Variants in ABHD15 observed in about 807,000 individuals in gnomAD.
ABHD15 encodes the protein abhydrolase domain containing 15.
Under a neutral mutation model 34.4 loss-of-function variants are expected in ABHD15, and 34 were observed. That is an observed-to-expected ratio of 0.99 (90% CI 0.75 to 1.32). The LOEUF is 1.32. Among genes scored for constraint, ABHD15 ranks in the 40% most tolerant of loss-of-function variants. The probability of loss-of-function intolerance (pLI) is 0.00; values close to 1 mark genes in which losing one functional copy is unlikely to be tolerated. For synonymous variants in ABHD15, 314 were observed against 299.2 expected, an observed-to-expected ratio of 1.05 and a Z score of -0.51; for missense variants, 644 against 650.4, an observed-to-expected ratio of 0.99 and a Z score of 0.11.
At chr17:29,563,598 A>C (rs907292934) in intron 1 of ABHD15, among the ~76,000 whole-genome samples, 1 of 152,100 alleles carries the variant, frequency 6.6e-6, no homozygotes, top group Non-Finnish European at 1.5e-5. Flanking sequence ...GCGGTGGCTC[A>C]TGCCTGTAAT....
rs1828600751 is a variant in ABHD15, at chr17:29,561,692, G to A, written c.*869C>T. The A allele has an allele frequency of 6.6e-6, 1 of 152,580 alleles. No individual in the cohort carries two copies. The highest frequency in any genetic ancestry group is 6.5e-5 in the Admixed American group (1 of 15,276). The allele number at this position is 152,580 out of a possible 1,614,324, so 9.5% of individuals were successfully genotyped here. A position where few individuals can be genotyped will look rare whatever the true frequency, so the allele number is the denominator to read the frequency against. On this transcript the variant is annotated 3_prime_UTR_variant, in exon 2 of 2. Coordinates refer to ENST00000307201, the MANE Select transcript of ABHD15 (RefSeq NM_198147.3). ...AGGTTTGTGCTTTTCCTGACTTAGAGAAAGTCCATATCTCAGGAGATAAAC... is the reference window on the plus strand; with the variant it reads ...AGGTTTGTGCTTTTCCTGACTTAGAAAAAGTCCATATCTCAGGAGATAAAC...
At position 29,566,078 on chromosome 17, in the gene ABHD15, T is replaced by C; in HGVS notation, c.881+8A>G. The C allele has an allele frequency of 6.6e-7, 1 of 1,524,006 alleles. No individual in the cohort carries two copies. Among genetic ancestry groups the C allele is most frequent in the Non-Finnish European group, 8.8e-7 (1 of 1,136,730 alleles). The allele number at this position is 1,524,006 out of a possible 1,614,324, so 94.4% of individuals were successfully genotyped here. The stretch of plus-strand genomic sequence containing the variant: ...TTTCCATGCTGGTCTGCGGCCTCCG[T>C]TACCCACCTGCTGAGGGCGATCTTC... On this transcript the variant is annotated splice_region_variant and intron_variant, in intron 1 of 1. Coordinates refer to ENST00000307201, the MANE Select transcript of ABHD15 (RefSeq NM_198147.3).
rs747866474 is a variant in ABHD15, at chr17:29,566,688, CAGCGCCTCTG to C, written c.269_278del (p.Ser90TrpfsTer24). 83 of 1,591,504 alleles carry C rather than the reference CAGCGCCTCTG, an allele frequency of 5.2e-5. 1 individual carries two copies. Among genetic ancestry groups the C allele is most frequent in the Non-Finnish European group, 6.3e-5 (74 of 1,174,512 alleles). On this transcript the variant is annotated frameshift_variant, in exon 1 of 2. Transcript: ENST00000307201. LOFTEE classifies it high-confidence loss of function. Reference sequence around the variant, plus strand: ...AGAACCAGGAGCGCGGGCCGGCCTCCAGCGCCTCTGAGCGCCGCAGGGCGCGCAGCAGGCA... The same window carrying C: ...AGAACCAGGAGCGCGGGCCGGCCTCCAGCGCCGCAGGGCGCGCAGCAGGCA...
rs776728486 is a variant in ABHD15, at chr17:29,562,932, C to T, written c.1036G>A (p.Asp346Asn). 3.2e-5 allele frequency: 51 copies of T among 1,614,098 alleles called. No individual in the cohort carries two copies. Among genetic ancestry groups the T allele is most frequent in the Non-Finnish European group, 4.0e-5 (47 of 1,180,048 alleles). ...WDRNDPLRDV[D>N]EAAVPVLCIC... is the part of the protein sequence containing the mutation. Reference sequence around the variant, plus strand: ...CACAGCACAGGCACGGCTGCCTCATCGACATCCCGGAGCGGGTCGTTGCGG... The same window carrying T: ...CACAGCACAGGCACGGCTGCCTCATTGACATCCCGGAGCGGGTCGTTGCGG... The change falls in exon 2 of 2, where the codon GAT (aspartate) becomes AAT (asparagine). Residue 346 changes from aspartate (D) to asparagine (N), a missense_variant. Transcript: ENST00000307201.
chr17:29,562,799 C>T lies in ABHD15; in HGVS notation c.1169G>A (p.Gly390Asp), dbSNP rs778212912. Residue 390 changes from glycine (G) to aspartate (D), a missense_variant, in exon 2 of 2, where the codon GGC (glycine) becomes GAC (aspartate). Physicochemically the swap from Gly to Asp is moderately conservative, Grantham distance 94. Transcript: ENST00000307201. ...CTCCTGGCGCAGGAAGCCACAGTGG[C>T]CTCCGTGGCGACTGAGCAGGAGGAA... ...YFFLLLSRHG[G>D]HCGFLRQEPL... 1 of 1,613,316 alleles carries T rather than the reference C, an allele frequency of 6.2e-7. No individual in the cohort carries two copies. Among genetic ancestry groups the T allele is most frequent in the Non-Finnish European group, 8.5e-7 (1 of 1,179,380 alleles).
rs2032646744 is a variant in ABHD15 at position 29,562,838 on chromosome 17, C to T, written c.1130G>A (p.Ser377Asn). The stretch of plus-strand genomic sequence containing the variant: ...GAGCAGGAGGAAGAAGTAGGGGTTG[C>T]TGTGGAAGAGTTCAGTTGTCAGAGT... ...DHTLTTELFH[S>N]NPYFFLLLSR... The change falls in exon 2 of 2, where the codon AGC becomes AAC. Residue 377 changes from serine (S) to asparagine (N), a missense_variant. By Grantham distance (46) the Ser-to-Asn change is conservative. Transcript: ENST00000307201. The T allele has an allele frequency of 6.2e-7, 1 of 1,613,744 alleles. No individual in the cohort carries two copies. Among genetic ancestry groups the T allele is most frequent in the South Asian group, 1.1e-5 (1 of 91,082 alleles).
chr17:29,566,829 G>A lies in ABHD15; in HGVS notation c.138C>T (p.Asp46=), dbSNP rs1348823109. The change falls in exon 1 of 2, where the codon GAC becomes GAT. Residue 46 remains aspartate, a synonymous_variant. Transcript: ENST00000307201. ...RTLPGAQDRD[D]GEEADGGGPA... ...GGCCTCCGCCGTCCGCCTCCTCCCC[G>A]TCGTCTCGGTCTTGGGCCCCCGGCA... 6.6e-6 allele frequency: 10 copies of A among 1,517,186 alleles called. No individual in the cohort carries two copies. Among genetic ancestry groups the A allele is most frequent in the Non-Finnish European group, 8.8e-6 (10 of 1,140,790 alleles). The allele number at this position is 1,517,186 out of a possible 1,614,324, so 94.0% of individuals were successfully genotyped here.
Position 29,563,120 on chromosome 17 carries a change from A to G in ABHD15, c.882-34T>C, listed in dbSNP as rs768121436. On this transcript the variant is annotated intron_variant, in intron 1 of 1. Coordinates refer to ENST00000307201, the MANE Select transcript of ABHD15 (RefSeq NM_198147.3). ...GAGGTGTTTAGTGGGGAAGGTGGGAAAGAGAGGGAAGAATGAGAACATCAG... is the reference window on the plus strand; with the variant it reads ...GAGGTGTTTAGTGGGGAAGGTGGGAGAGAGAGGGAAGAATGAGAACATCAG... 7.6e-6 allele frequency: 12 copies of G among 1,570,292 alleles called. No homozygotes were observed. In the East Asian group the frequency reaches 2.7e-4, roughly 35 times the overall value.
Position 29,562,631 on chromosome 17 carries a change from T to G in ABHD15, c.1337A>C (p.Gln446Pro), listed in dbSNP as rs753345969. The G allele has an allele frequency of 1.2e-6, 2 of 1,614,094 alleles. No individual in the cohort carries two copies. The highest frequency in any genetic ancestry group is 1.7e-6 in the Non-Finnish European group (2 of 1,180,004). ...LGGRRRGGAL[Q>P]RREVSSSSNL... ...GGAAGAGGAAGAGACTTCCCGCCTC[T>G]GCAAGGCTCCCCCACGACGACGGCC... Residue 446 changes from glutamine (Q) to proline (P), a missense_variant, in exon 2 of 2, where the codon CAG becomes CCG. Physicochemically the swap from Gln to Pro is moderately conservative, Grantham distance 76. Transcript: ENST00000307201.
Position 29,562,563 on chromosome 17 carries a change from A to G in ABHD15, c.1405T>C (p.Ter469ArgextTer28), listed in dbSNP as rs2032640223. 6.2e-7 allele frequency: 1 copy of G among 1,610,994 alleles called. No homozygotes were observed. The highest frequency in any genetic ancestry group is 8.5e-7 in the Non-Finnish European group (1 of 1,178,332). ...TGGGGGTTCTCAGGCCAGGTCTTTCACCTTGTGTATGATCGCTTCCAGTTA... is the reference window on the plus strand; with the variant it reads ...TGGGGGTTCTCAGGCCAGGTCTTTCGCCTTGTGTATGATCGCTTCCAGTTA... ...IFNWKRSYTR[*>R] Residue 469 changes from the stop codon to arginine, a stop_lost, in exon 2 of 2, where the codon TGA (stop) becomes CGA (arginine). Transcript: ENST00000307201.
chr17:29,562,535 A>C lies in ABHD15; in HGVS notation c.*26T>G. 6.3e-7 allele frequency: 1 copy of C among 1,596,396 alleles called. No homozygotes were observed. Among genetic ancestry groups the C allele is most frequent in the Non-Finnish European group, 8.5e-7 (1 of 1,170,048 alleles). On this transcript the variant is annotated 3_prime_UTR_variant, in exon 2 of 2. Transcript: ENST00000307201. ...GCCCAGCTCTGTTTTTCTTTGCAGG[A>C]CTTGGGGGTTCTCAGGCCAGGTCTT...
At position 29,562,861 on chromosome 17, in the gene ABHD15, A is replaced by G; in HGVS notation, c.1107T>C (p.Thr369=). ...TGCTGTGGAAGAGTTCAGTTGTCAG[A>G]GTGTGGTCTGGGGGTCCACACACGG... ...DDPVCGPPDH[T]LTTELFHSNP... Residue 369 remains threonine (T), a synonymous_variant, in exon 2 of 2, where the codon ACT becomes ACC. Transcript: ENST00000307201. 6.2e-7 allele frequency: 1 copy of G among 1,614,090 alleles called. No homozygotes were observed. Among genetic ancestry groups the G allele is most frequent in the African/African-American group, 1.3e-5 (1 of 75,052 alleles).
At position 29,566,952 on chromosome 17, in the gene ABHD15, G is replaced by A. The variant is rs535892832; in HGVS notation, c.15C>T (p.Gly5=). The change falls in exon 1 of 2, where the codon GGC becomes GGT. Residue 5 remains glycine, a synonymous_variant. Coordinates refer to ENST00000307201, the MANE Select transcript of ABHD15 (RefSeq NM_198147.3). MPPW[G]AALALILAVL... is the part of the protein sequence containing the mutation. ...CGGCCAAGATGAGCGCGAGGGCGGC[G>A]CCCCACGGCGGCATGGCGAAGCTGG... The A allele has an allele frequency of 4.3e-6, 6 of 1,390,160 alleles. No individual in the cohort carries two copies. In the South Asian group the frequency reaches 8.1e-5, roughly 19 times the overall value. The allele number at this position is 1,390,160 out of a possible 1,614,324, so 86.1% of individuals were successfully genotyped here.
Position 29,566,209 on chromosome 17 carries a change from G to A in ABHD15, c.758C>T (p.Ser253Phe), listed in dbSNP as rs1332943406. 3.7e-6 allele frequency: 6 copies of A among 1,610,684 alleles called. No individual in the cohort carries two copies. In the East Asian group the frequency reaches 1.3e-4, roughly 36 times the overall value. The change falls in exon 1 of 2, where the codon TCC (serine) becomes TTC (phenylalanine). Residue 253 changes from serine (S) to phenylalanine (F), a missense_variant. Coordinates refer to ENST00000307201, the MANE Select transcript of ABHD15 (RefSeq NM_198147.3). ...GCAGGCGGCGCCTGTCACGTAGCTG[G>A]AGGAGCCGCACTCGCCCAGGTAGGA... ...LLSYLGECGSSSYVTGAACIS... is the reference protein window; with the variant it reads ...LLSYLGECGSFSYVTGAACIS...
intron 1 of ABHD15, among the ~76,000 whole-genome samples, chr17:29,564,420 A>C: frequency 6.6e-6 from 1 of 152,206 alleles, no homozygotes; most frequent in Admixed American, 6.5e-5. Context: ...TGGGGGCCTC[A>C]GAGCAACTGC....
At chr17:29,563,361 GCAA>G (rs2032658733) in intron 1 of ABHD15, among the ~76,000 whole-genome samples, 1 of 150,692 alleles carries the variant, frequency 6.6e-6, no homozygotes, top group South Asian at 2.1e-4. Context: ...AACAGCCTGG[GCAA>G]CAGGGCGAAA....
At position 29,562,604 on chromosome 17, in the gene ABHD15, T is replaced by A. The variant is rs745946949; in HGVS notation, c.1364A>T (p.Asn455Ile). 2 of 1,613,920 alleles carry A rather than the reference T, an allele frequency of 1.2e-6. No individual in the cohort carries two copies. Residue 455 changes from asparagine to isoleucine, a missense_variant, in exon 2 of 2, where the codon AAC (asparagine) becomes ATC (isoleucine). Asn to Ile is a moderately radical substitution (Grantham distance 149, BLOSUM62 -3). Coordinates refer to ENST00000307201, the MANE Select transcript of ABHD15 (RefSeq NM_198147.3). ...LQRREVSSSS[N>I]LEEIFNWKRS... ...CTTCCAGTTAAAGATCTCCTCCAGG[T>A]TGGAAGAGGAAGAGACTTCCCGCCT...
chr17:29,564,310 T>C (rs1337148526), intron 1 of ABHD15, among the ~76,000 whole-genome samples: 1 of 152,242 alleles, frequency 6.6e-6, no homozygotes, highest in Admixed American at 6.5e-5. Context: ...ATGAGTGTGA[T>C]GTTGATCAGG....
chr17:29,566,577 C>T lies in ABHD15; in HGVS notation c.390G>A (p.Ala130=), dbSNP rs1165210348. The T allele has an allele frequency of 1.2e-6, 2 of 1,607,860 alleles. No homozygotes were observed. The highest frequency in any genetic ancestry group is 1.7e-6 in the Non-Finnish European group (2 of 1,178,372). Residue 130 remains alanine (A), a synonymous_variant, in exon 1 of 2, where the codon GCG becomes GCA. Coordinates refer to ENST00000307201, the MANE Select transcript of ABHD15 (RefSeq NM_198147.3). ...PELAREYLQL[A]DDGLVALDWV... The stretch of plus-strand genomic sequence containing the variant: ...AGTCCAGGGCCACTAGCCCATCGTC[C>T]GCCAACTGCAGGTACTCCCGGGCCA...
Sources: allele counts gnomAD v4.1 joint callset (sites outside exome capture counted in the v4.1 genomes callset), GRCh38; gene constraint gnomAD v4.1.1; transcripts MANE v1.5; gene names NCBI Gene and HGNC (gene_info 2026-07-23, HGNC 2026-07-21).